Variants in FLACC1 observed in about 807,000 individuals in gnomAD.
FLACC1 encodes the protein flagellum associated containing coiled-coil domains 1.
Under a neutral mutation model 62.8 loss-of-function variants are expected in FLACC1, and 66 were observed. The observed-to-expected ratio is 1.05, with a 90% CI of 0.86 to 1.29. The LOEUF (loss-of-function observed/expected upper bound fraction) is 1.29, where lower values mean the gene tolerates loss of function less well. Among genes scored for constraint, FLACC1 ranks in the 50% most tolerant of loss-of-function variants. The pLI, the probability that FLACC1 is intolerant of heterozygous loss-of-function variation, is 0.00. For missense variants in FLACC1, 452 were observed against 489.1 expected, an observed-to-expected ratio of 0.92 and a Z score of 0.71; for synonymous variants, 156 against 161.0, an observed-to-expected ratio of 0.97 and a Z score of 0.24.
intron 11 of FLACC1, among the ~76,000 whole-genome samples, chr2:201,302,517 T>C (rs905856508): frequency 3.9e-5 from 6 of 152,026 alleles, no homozygotes; most frequent in Non-Finnish European, 5.9e-5. Flanking sequence ...CATTAGACAG[T>C]TCCACGAGAC....
intron 11 of FLACC1, among the ~76,000 whole-genome samples, chr2:201,302,430 G>T (rs1406465049): frequency 6.6e-6 from 1 of 152,246 alleles, no homozygotes; most frequent in Non-Finnish European, 1.5e-5. Context: ...GATTCATAAA[G>T]TAAGTCCTTA....
chr2:201,318,177 T>C (rs1480083541), intron 9 of FLACC1, among the ~76,000 whole-genome samples: 2 of 152,164 alleles, frequency 1.3e-5, no homozygotes, highest in Non-Finnish European at 2.9e-5. Context: ...CTTCTAGACA[T>C]TGGCTTAGGC....
chr2:201,334,388 G>T (rs960226811), intron 7 of FLACC1, among the ~76,000 whole-genome samples: 4 of 152,060 alleles, frequency 2.6e-5, no homozygotes, highest in African/African-American at 9.7e-5. Flanking sequence ...TTTAATTAAG[G>T]ATTTTTGTAT....
upstream of FLACC1, among the ~76,000 whole-genome samples, chr2:201,358,239 T>C (rs1467576600): frequency 6.6e-6 from 1 of 152,182 alleles, no homozygotes; most frequent in Non-Finnish European, 1.5e-5. Flanking sequence ...AATTTTTTTT[T>C]CCTTTGAGAC....
intron 9 of FLACC1, among the ~76,000 whole-genome samples, chr2:201,309,763 T>C (rs1950178471): frequency 6.6e-6 from 1 of 151,110 alleles, no homozygotes; most frequent in African/African-American, 2.4e-5. Context: ...AAAAATTAGC[T>C]GGGCGTGGTG....
chr2:201,336,753 A>G (rs546337432), intron 7 of FLACC1, among the ~76,000 whole-genome samples: 22 of 152,294 alleles, frequency 1.4e-4, no homozygotes, highest in African/African-American at 4.8e-4. Flanking sequence ...GTACTAATTT[A>G]CATTTCCACC....
At chr2:201,314,638 C>A (rs1396633277) in intron 9 of FLACC1, among the ~76,000 whole-genome samples, 1 of 152,090 alleles carries the variant, frequency 6.6e-6, no homozygotes, top group Non-Finnish European at 1.5e-5. Flanking sequence ...GGAAACTTCC[C>A]CACCCTTGCT....
At chr2:201,361,536 G>A (rs1487556212), upstream of FLACC1, among the ~76,000 whole-genome samples, 1 of 152,198 alleles carries the variant, frequency 6.6e-6, no homozygotes, top group African/African-American at 2.4e-5. Context: ...TATGGTGGCT[G>A]AAGAACATTG....
intron 3 of FLACC1, among the ~76,000 whole-genome samples, chr2:201,348,806 T>A (rs563829448): frequency 1.3e-5 from 2 of 152,206 alleles, no homozygotes; most frequent in Non-Finnish European, 2.9e-5. Flanking sequence ...TCTTTATATA[T>A]GCTATATATA....
At chr2:201,290,480 A>C (rs1949705603) in intron 12 of FLACC1, among the ~76,000 whole-genome samples, 1 of 152,314 alleles carries the variant, frequency 6.6e-6, no homozygotes, top group East Asian at 1.9e-4. Context: ...TGAAACAAAC[A>C]CACAAACTTC....
intron 7 of FLACC1, among the ~76,000 whole-genome samples, chr2:201,341,938 T>C (rs1295033827): frequency 6.6e-6 from 1 of 152,110 alleles, no homozygotes; most frequent in African/African-American, 2.4e-5. Flanking sequence ...TTTCTTCCTA[T>C]TTTGCTGAGG....
chr2:201,319,986 A>G (rs1223776558), intron 9 of FLACC1, among the ~76,000 whole-genome samples: 2 of 152,204 alleles, frequency 1.3e-5, no homozygotes, highest in African/African-American at 4.8e-5. Flanking sequence ...TTACTCCTGG[A>G]ATACACACCC....
At chr2:201,296,380 G>T (rs937331381) in intron 12 of FLACC1, among the ~76,000 whole-genome samples, 2 of 152,012 alleles carry the variant, frequency 1.3e-5, no homozygotes, top group Non-Finnish European at 2.9e-5. Context: ...GATGAAGCTG[G>T]AAACCATCAT....
chr2:201,302,652 G>T (rs562465536), intron 11 of FLACC1, among the ~76,000 whole-genome samples: 55 of 152,142 alleles, frequency 3.6e-4, no homozygotes, highest in East Asian at 1.2e-3. Context: ...CACATCACAC[G>T]TATTCCAAAA....
chr2:201,355,764 C>T (rs1228154306), intron 1 of FLACC1, among the ~76,000 whole-genome samples: 2 of 151,844 alleles, frequency 1.3e-5, no homozygotes, highest in Non-Finnish European at 2.9e-5. Context: ...GCAGGTGGTG[C>T]GGGAGGATCA....
intron 9 of FLACC1, among the ~76,000 whole-genome samples, chr2:201,321,667 A>G (rs1950406064): frequency 6.6e-6 from 1 of 152,146 alleles, no homozygotes; most frequent in Admixed American, 6.5e-5. Context: ...CTCTATTTGG[A>G]ACATCAAAAT....
At chr2:201,317,382 A>C (rs998056886) in intron 9 of FLACC1, among the ~76,000 whole-genome samples, 1 of 152,232 alleles carries the variant, frequency 6.6e-6, no homozygotes, top group Non-Finnish European at 1.5e-5. Context: ...TGCACAAATC[A>C]GTAGCTCTGC....
At chr2:201,364,165 G>A in the FLACC1 span, among the ~76,000 whole-genome samples, 1 of 152,050 alleles carries the variant, frequency 6.6e-6, no homozygotes. Flanking sequence ...GCACAGCCCA[G>A]TATAAAACCT....
intron 1 of FLACC1, among the ~76,000 whole-genome samples, chr2:201,354,238 C>T (rs1576485605): frequency 1.3e-5 from 2 of 152,272 alleles, no homozygotes; most frequent in East Asian, 1.9e-4. Flanking sequence ...TTTAGAGGCT[C>T]GTGCTGTGAG....
Sources: gnomAD v4.1 joint callset for allele counts (sites outside exome capture counted in the v4.1 genomes callset) on GRCh38, gnomAD v4.1.1 for gene constraint, MANE v1.5 for transcripts, NCBI Gene and HGNC (gene_info 2026-07-23, HGNC 2026-07-21) for gene names.